The following TNIP1 variants were observed in gnomAD, a reference collection of about 807,000 sequenced individuals.
TNIP1 encodes the protein TNFAIP3 interacting protein 1, also known as TNFAIP3-interacting protein 1.
A neutral mutation model predicts 86.6 loss-of-function variants in TNIP1; 22 were observed. The observed-to-expected ratio is 0.25, with a 90% confidence interval of 0.18 to 0.36. TNIP1 has a LOEUF of 0.36. TNIP1 is among the 10% of genes least tolerant of loss of function. TNIP1 has a pLI of 1.00. For missense variants in TNIP1, 709 were observed against 820.6 expected, an observed-to-expected ratio of 0.86 and a Z score of 1.66; for synonymous variants, 294 against 313.0, an observed-to-expected ratio of 0.94 and a Z score of 0.64.
At chr5:151,055,753 G>T (rs924261775) in intron 6 of TNIP1, among the ~76,000 whole-genome samples, 1 of 152,220 alleles carries the variant, frequency 6.6e-6, no homozygotes, top group South Asian at 2.1e-4. Context: ...TGACATGAAT[G>T]AGACCACAGA....
chr5:151,078,693 AT>A (rs1346318686), intron 1 of TNIP1, among the ~76,000 whole-genome samples: 1 of 152,226 alleles, frequency 6.6e-6, no homozygotes, highest in Non-Finnish European at 1.5e-5. Flanking sequence ...AAAACCAGCC[AT>A]GGGAAAAACG....
chr5:151,078,740 T>C (rs73272871), intron 1 of TNIP1, among the ~76,000 whole-genome samples: 12,074 of 152,210 alleles, frequency 0.079, 997 homozygotes, highest in African/African-American at 0.21. Context: ...ACAGCATGTA[T>C]GAAAGCCTAA....
upstream of TNIP1, among the ~76,000 whole-genome samples, chr5:151,082,374 CT>C (rs1715061761): frequency 6.6e-6 from 1 of 152,196 alleles, no homozygotes; most frequent in African/African-American, 2.4e-5. Flanking sequence ...CAAAGCACCA[CT>C]GAGTCTCACC....
At chr5:151,048,551 G>A (rs1380706788) in intron 8 of TNIP1, among the ~76,000 whole-genome samples, 1 of 152,184 alleles carries the variant, frequency 6.6e-6, no homozygotes, top group Non-Finnish European at 1.5e-5. Context: ...TAATGAGACA[G>A]GTGACCCTGG....
At chr5:151,083,424 G>A (rs577510038), upstream of TNIP1, among the ~76,000 whole-genome samples, 53 of 152,190 alleles carry the variant, frequency 3.5e-4, no homozygotes, top group Admixed American at 8.5e-4. Context: ...CACATCCTCT[G>A]TGAGACCCTA....
In TNIP1 at chr5:151,063,599, G is replaced by T. The variant is rs1761859471; in HGVS notation, c.271+14C>A. On this transcript the variant is annotated intron_variant, in intron 3 of 17. Coordinates refer to ENST00000521591, the MANE Select transcript of TNIP1 (RefSeq NM_006058.5). ...GTACAGGGAGAGTCAGAGGTACCCA[G>T]ACTCCTCTTATACCTGTGAGCTCAG... The T allele has an allele frequency of 6.2e-7, 1 of 1,613,094 alleles. No individual in the cohort carries two copies. Among genetic ancestry groups the T allele is most frequent in the African/African-American group, 1.3e-5 (1 of 74,880 alleles).
At chr5:151,034,933 T>A (rs1414254884) in intron 15 of TNIP1, 69 bp downstream of exon 15, 1 of 1,566,530 alleles carries the variant, frequency 6.4e-7, no homozygotes, top group African/African-American at 1.4e-5. Context: ...ACACTGTGCA[T>A]CCATCAGGCT....
At chr5:151,056,730 C>T in intron 6 of TNIP1, 36 bp downstream of exon 6, 2 of 1,442,162 alleles carry the variant, frequency 1.4e-6, no homozygotes, top group Non-Finnish European at 1.8e-6. Context: ...GGAAGCACGC[C>T]TGCCTGTCTC....
chr5:151,066,511 G>A (rs969511682), intron 1 of TNIP1, among the ~76,000 whole-genome samples: 11 of 152,158 alleles, frequency 7.2e-5, no homozygotes, highest in African/African-American at 2.2e-4. Context: ...GGTCCTTGGC[G>A]CTGCCAGGTG....
chr5:151,076,756 C>T (rs1037883912), intron 1 of TNIP1, among the ~76,000 whole-genome samples: 6 of 152,150 alleles, frequency 3.9e-5, no homozygotes, highest in African/African-American at 1.4e-4. Context: ...AGAAAGAAGT[C>T]TGGAATAACA....
intron 3 of TNIP1, among the ~76,000 whole-genome samples, chr5:151,063,071 G>A (rs148717738): frequency 2.0e-4 from 31 of 152,298 alleles, no homozygotes; most frequent in Non-Finnish European, 3.5e-4. Context: ...CTTCAACCCC[G>A]AGCCACAGTC....
chr5:151,035,449 C>T (rs1398517286), intron 14 of TNIP1, 133 bp downstream of exon 14: 8 of 1,371,134 alleles, frequency 5.8e-6, no homozygotes, highest in African/African-American at 2.9e-5. Context: ...CCTTGCCGAG[C>T]TCAAATATGA....
chr5:151,081,224 C>T (rs1445750313), upstream of TNIP1: 1 of 152,228 alleles, frequency 6.6e-6, no homozygotes, highest in Non-Finnish European at 1.5e-5. Flanking sequence ...GCCTTCCCCT[C>T]TAGGAGCGAC....
intron 6 of TNIP1, 93 bp from the exon 7 acceptor site, chr5:151,052,352 C>A: frequency 9.7e-7 from 1 of 1,033,770 alleles, no homozygotes; most frequent in Non-Finnish European, 1.5e-6. Flanking sequence ...CTGTAGCCAC[C>A]CCAGGGCCCA....
At chr5:151,079,571 G>A (rs1001825640) in intron 1 of TNIP1, among the ~76,000 whole-genome samples, 2 of 151,620 alleles carry the variant, frequency 1.3e-5, no homozygotes, top group African/African-American at 2.4e-5. Flanking sequence ...GCCGTGAGCC[G>A]AGATCGTGCC....
At position 151,033,400 on chromosome 5, in the gene TNIP1, A is replaced by G. The variant is rs111925835; in HGVS notation, c.1779+208T>C. 7.6e-3 allele frequency: 3,121 copies of G among 411,142 alleles called. 42 individuals carry two copies. Among genetic ancestry groups the G allele is most frequent in the Middle Eastern group, 0.014 (25 of 1,726 alleles). 25.5% of individuals were successfully genotyped at this position (411,142 alleles called of 1,614,324 possible). On this transcript the variant is annotated intron_variant, in intron 16 of 17. Transcript: ENST00000521591. ...CCGTCCTAGACCAGTGACCCTGAAC[A>G]GCTGTGGGGCAGCCCTGCGGGACTG...
At position 151,052,221 on chromosome 5, in the gene TNIP1, C is replaced by T; in HGVS notation, c.666G>A (p.Leu222=). 6.2e-7 allele frequency: 1 copy of T among 1,614,110 alleles called. No individual in the cohort carries two copies. Among genetic ancestry groups the T allele is most frequent in the Non-Finnish European group, 8.5e-7 (1 of 1,180,014 alleles). The change falls in exon 7 of 18, where the codon CTG becomes CTA. Residue 222 remains leucine, a synonymous_variant. Coordinates refer to ENST00000521591, the MANE Select transcript of TNIP1 (RefSeq NM_006058.5). The part of the protein sequence containing the change: ...CEQLRKENEA[L]KAKLDKGLEQ... The stretch of plus-strand genomic sequence containing the variant: ...CCAGGCCCTTATCCAACTTGGCCTT[C>T]AGAGCCTCGTTCTCCTTCCGAAGCT...
chr5:151,036,840 G>T lies in TNIP1; in HGVS notation c.1345C>A (p.Leu449Ile). 2.5e-6 allele frequency: 4 copies of T among 1,613,918 alleles called. No individual in the cohort carries two copies. The highest frequency in any genetic ancestry group is 2.5e-6 in the Non-Finnish European group (3 of 1,179,906). Residue 449 changes from leucine to isoleucine, a missense_variant, in exon 13 of 18, where the codon CTC becomes ATC. Coordinates refer to ENST00000521591, the MANE Select transcript of TNIP1 (RefSeq NM_006058.5). ...AFGSPEGAGALLRKQELVTQN... is the reference protein window; with the variant it reads ...AFGSPEGAGAILRKQELVTQN... Reference sequence around the variant, plus strand: ...GTGACCAGCTCCTGTTTCCTTAGGAGGGCCCCTGCTCCTTCTGGGCTCCCA... The same window carrying T: ...GTGACCAGCTCCTGTTTCCTTAGGATGGCCCCTGCTCCTTCTGGGCTCCCA...
At chr5:151,067,012 G>A (rs1342637209) in intron 1 of TNIP1, among the ~76,000 whole-genome samples, 2 of 152,156 alleles carry the variant, frequency 1.3e-5, no homozygotes, top group Non-Finnish European at 2.9e-5. Context: ...TGATGAGAAG[G>A]ACCCCTTCTC....
Sources: gnomAD v4.1 joint callset for allele counts (sites outside exome capture counted in the v4.1 genomes callset) on GRCh38, gnomAD v4.1.1 for gene constraint, MANE v1.5 for transcripts, NCBI Gene and HGNC (gene_info 2026-07-23, HGNC 2026-07-21) for gene names.